IFI16: variants seen among roughly 807,000 people sequenced by gnomAD.
IFI16 encodes the protein gamma-interferon-inducible protein 16.
In IFI16, 49 loss-of-function variants were observed where a neutral mutation model predicts 68.4. The observed-to-expected ratio is 0.72, with a 90% CI of 0.57 to 0.91. IFI16 has a LOEUF of 0.91. IFI16 is among the 40% of genes least tolerant of loss of function. The pLI, the probability that IFI16 is intolerant of heterozygous loss-of-function variation, is 0.00. For missense variants in IFI16, 878 were observed against 942.9 expected (o/e 0.93, Z 0.90); for synonymous variants, 307 against 315.0 (o/e 0.97, Z 0.27).
intron 8 of IFI16, among the ~76,000 whole-genome samples, chr1:159,045,805 T>C (rs1654946088): frequency 6.6e-6 from 1 of 151,270 alleles, no homozygotes; most frequent in South Asian, 2.1e-4. Flanking sequence ...TCACTGATTC[T>C]TTCTCTTTCA....
chr1:159,021,203 G>A (rs2101833065), intron 6 of IFI16, among the ~76,000 whole-genome samples: 1 of 152,260 alleles, frequency 6.6e-6, no homozygotes, highest in Non-Finnish European at 1.5e-5. Flanking sequence ...CGTCCAAGCA[G>A]CGTACACTGT....
intron 1 of IFI16, among the ~76,000 whole-genome samples, chr1:159,000,769 T>C (rs1189106421): frequency 6.6e-6 from 1 of 152,164 alleles, no homozygotes; most frequent in Non-Finnish European, 1.5e-5. Context: ...GAAATGTGAT[T>C]CCCAGTGTTG....
In IFI16 at chr1:159,010,131, C is replaced by G. The variant is rs1056207819; in HGVS notation, c.-51C>G. 3 of 152,156 alleles carry G rather than the reference C, an allele frequency of 2.0e-5. No homozygotes were observed. Among genetic ancestry groups the G allele is most frequent in the Non-Finnish European group, 2.9e-5 (2 of 68,046 alleles). 9.4% of individuals were successfully genotyped at this position (152,156 alleles called of 1,614,324 possible). On this transcript the variant is annotated 5_prime_UTR_variant, in exon 1 of 12. It adds an upstream start codon to the 5' untranslated region. Coordinates refer to ENST00000295809, the MANE Select transcript of IFI16 (RefSeq NM_001376587.1). ...CCTGCATTTCTGAAGATCTCAAGAT[C>G]TGGACTACTGTTGAAAAAATTTCCA...
In IFI16 at chr1:159,034,185, C is replaced by G. The variant is rs1426241279; in HGVS notation, c.1329+1494C>G. 2.6e-5 allele frequency among the ~76,000 whole-genome samples: 4 copies of G among 152,128 alleles called. No individual in the cohort carries two copies. In the East Asian group the frequency reaches 5.8e-4, roughly 22 times the overall value. On this transcript the variant is annotated intron_variant, in intron 7 of 11. Coordinates refer to ENST00000295809, the MANE Select transcript of IFI16 (RefSeq NM_001376587.1). The stretch of plus-strand genomic sequence containing the variant: ...AGAATCTTTCTAGCAAAGTGATGAT[C>G]AAAACATCTAAAGCAACATAAGGCT...
intron 1 of IFI16, among the ~76,000 whole-genome samples, chr1:159,011,013 T>G (rs745846905): frequency 6.6e-5 from 10 of 152,216 alleles, no homozygotes; most frequent in Non-Finnish European, 1.2e-4. Flanking sequence ...TTGTTCAAAT[T>G]TATTATATCA....
At chr1:159,050,543 C>T (rs1164908460) in intron 9 of IFI16, among the ~76,000 whole-genome samples, 1 of 152,138 alleles carries the variant, frequency 6.6e-6, no homozygotes, top group Admixed American at 6.6e-5. Context: ...AAAGCCATCA[C>T]TCACAGGTGG....
At chr1:159,007,519 G>T (rs113840523), upstream of IFI16, among the ~76,000 whole-genome samples, 2,167 of 152,202 alleles carry the variant, frequency 0.014, 51 homozygotes, top group African/African-American at 0.05. Flanking sequence ...CACTAACTAG[G>T]CGCCTAGTTT....
intron 6 of IFI16, among the ~76,000 whole-genome samples, chr1:159,021,568 G>A (rs1653313602): frequency 6.6e-6 from 1 of 152,184 alleles, no homozygotes; most frequent in South Asian, 2.1e-4. Flanking sequence ...ACATGCATGT[G>A]CAATGATCTT....
intron 7 of IFI16, among the ~76,000 whole-genome samples, chr1:159,038,993 T>C (rs1654473284): frequency 6.6e-6 from 1 of 152,198 alleles, no homozygotes; most frequent in Admixed American, 6.5e-5. Context: ...GTTTGTGTAT[T>C]TGCTTGATGA....
intron 3 of IFI16, 117 bp downstream of exon 3, chr1:159,016,104 A>T: frequency 1.5e-6 from 1 of 669,596 alleles, no homozygotes; most frequent in Non-Finnish European, 2.6e-6. Context: ...CAAGTTTCAG[A>T]TTTACCAAAT....
intron 6 of IFI16, among the ~76,000 whole-genome samples, chr1:159,022,243 C>T (rs1278731659): frequency 1.3e-5 from 2 of 152,044 alleles, no homozygotes; most frequent in Non-Finnish European, 2.9e-5. Flanking sequence ...GGATTACAGG[C>T]GTGAGCCACC....
chr1:159,006,063 C>G (rs1652244771), upstream of IFI16: 1 of 152,362 alleles, frequency 6.6e-6, no homozygotes, highest in African/African-American at 2.4e-5. Context: ...CTATCTAGAT[C>G]TTTGACTACC....
At chr1:159,005,449 A>G (rs552215158), upstream of IFI16, among the ~76,000 whole-genome samples, 6 of 152,274 alleles carry the variant, frequency 3.9e-5, no homozygotes, top group East Asian at 7.7e-4. Flanking sequence ...CCAGGTTTCC[A>G]TATGCATTCA....
At chr1:159,040,226 G>A (rs1337666378) in intron 7 of IFI16, among the ~76,000 whole-genome samples, 1 of 152,132 alleles carries the variant, frequency 6.6e-6, no homozygotes, top group East Asian at 1.9e-4. Context: ...ATAATAATTG[G>A]AAAAAGCAAA....
intron 7 of IFI16, among the ~76,000 whole-genome samples, chr1:159,035,341 T>C (rs1174291189): frequency 3.3e-5 from 5 of 152,218 alleles, no homozygotes; most frequent in African/African-American, 1.2e-4. Context: ...TCCATTTTCT[T>C]TGTGCCTTTT....
chr1:159,032,957 A>AAG (rs1654100373), intron 7 of IFI16, among the ~76,000 whole-genome samples: 1 of 151,936 alleles, frequency 6.6e-6, no homozygotes, highest in Non-Finnish European at 1.5e-5. Flanking sequence ...TAGAGAGGGT[A>AAG]AGAGAGAGTG....
At chr1:159,013,397 G>A (rs7524104) in intron 1 of IFI16, among the ~76,000 whole-genome samples, 6 of 151,764 alleles carry the variant, frequency 4.0e-5, no homozygotes, top group Admixed American at 2.6e-4. Flanking sequence ...TTTGATCTCC[G>A]GAACTTGTGA....
chr1:159,000,180 T>A (rs1652004316), exon 1 of IFI16: 1 of 220,988 alleles, frequency 4.5e-6, no homozygotes, highest in East Asian at 1.0e-4. Flanking sequence ...CTACTCGTGC[T>A]GTTTAGAGTA....
intron 8 of IFI16, among the ~76,000 whole-genome samples, chr1:159,046,798 A>G (rs1452170028): frequency 2.0e-5 from 3 of 151,306 alleles, no homozygotes; most frequent in African/African-American, 2.4e-5. Flanking sequence ...AGAATAGATC[A>G]TATTTTCTCA....
Sources: gnomAD v4.1 joint callset for allele counts (sites outside exome capture counted in the v4.1 genomes callset) on GRCh38, gnomAD v4.1.1 for gene constraint, MANE v1.5 for transcripts, NCBI Gene and HGNC (gene_info 2026-07-23, HGNC 2026-07-21) for gene names.